The following FBXL17 variants were observed in gnomAD, a reference collection of about 807,000 sequenced individuals.
The protein encoded by FBXL17 is F-box/LRR-repeat protein 17.
In FBXL17, 22 loss-of-function variants were observed where a neutral mutation model predicts 66.2. The observed-to-expected ratio is 0.33, with a 90% CI of 0.24 to 0.47. FBXL17 has a LOEUF of 0.47. Among genes scored for constraint, FBXL17 ranks in the 20% least tolerant of loss-of-function variants. The probability of loss-of-function intolerance (pLI) is 1.00; values close to 1 mark genes in which losing one functional copy is unlikely to be tolerated. For missense variants in FBXL17, 878 were observed against 948.2 expected, an observed-to-expected ratio of 0.93 and a Z score of 0.97; for synonymous variants, 474 against 400.5, an observed-to-expected ratio of 1.18 and a Z score of -2.19.
At chr5:108,213,422 G>A (rs891198942) in intron 5 of FBXL17, among the ~76,000 whole-genome samples, 7 of 152,228 alleles carry the variant, frequency 4.6e-5, no homozygotes, top group Non-Finnish European at 1.0e-4. Flanking sequence ...GAGCCCTGGT[G>A]GCATAGGCAC....
intron 6 of FBXL17, among the ~76,000 whole-genome samples, chr5:108,080,984 T>C (rs1264651646): frequency 1.3e-5 from 2 of 152,192 alleles, no homozygotes; most frequent in Admixed American, 6.5e-5. Context: ...CTCTACAGAA[T>C]GCAGATTTTC....
intron 7 of FBXL17, among the ~76,000 whole-genome samples, chr5:107,887,398 G>T (rs1007898362): frequency 6.6e-6 from 1 of 152,096 alleles, no homozygotes; most frequent in African/African-American, 2.4e-5. Context: ...ATTAACAAGC[G>T]ACCTGCATGT....
intron 6 of FBXL17, among the ~76,000 whole-genome samples, chr5:108,141,908 C>G (rs568570294): frequency 6.6e-6 from 1 of 152,294 alleles, no homozygotes; most frequent in East Asian, 1.9e-4. Context: ...CTACTCCCAC[C>G]CCAAGTTGAG....
intron 6 of FBXL17, among the ~76,000 whole-genome samples, chr5:108,070,232 G>A (rs1275722416): frequency 2.0e-5 from 3 of 152,132 alleles, no homozygotes; most frequent in Non-Finnish European, 4.4e-5. Context: ...GTAATCTTAA[G>A]GCTCTGATCA....
intron 7 of FBXL17, among the ~76,000 whole-genome samples, chr5:107,993,661 G>C (rs969635580): frequency 2.6e-5 from 4 of 152,028 alleles, no homozygotes; most frequent in Non-Finnish European, 5.9e-5. Flanking sequence ...TTTTCCTACT[G>C]TTTTCCATTT....
intron 7 of FBXL17, among the ~76,000 whole-genome samples, chr5:107,982,585 C>T (rs565398733): frequency 6.6e-6 from 1 of 152,272 alleles, no homozygotes; most frequent in Admixed American, 6.5e-5. Flanking sequence ...CTTAGCTACA[C>T]TTCATTTATG....
chr5:108,222,297 C>T (rs972899637), intron 5 of FBXL17, among the ~76,000 whole-genome samples: 3 of 152,142 alleles, frequency 2.0e-5, no homozygotes, highest in African/African-American at 7.2e-5. Context: ...ATGGCCATCA[C>T]AACACTTGTT....
At chr5:108,320,892 T>A (rs1468954090) in intron 4 of FBXL17, among the ~76,000 whole-genome samples, 2 of 151,732 alleles carry the variant, frequency 1.3e-5, no homozygotes, top group African/African-American at 4.8e-5. Flanking sequence ...ATTGGAAAAA[T>A]CACGCAAATT....
chr5:108,162,475 G>C (rs1186036206), intron 6 of FBXL17, among the ~76,000 whole-genome samples: 1 of 152,108 alleles, frequency 6.6e-6, no homozygotes, highest in Non-Finnish European at 1.5e-5. Flanking sequence ...GGGTGACAGA[G>C]CAAGACTCTG....
intron 6 of FBXL17, among the ~76,000 whole-genome samples, chr5:108,110,573 CCA>C (rs1388848550): frequency 6.6e-6 from 1 of 152,088 alleles, no homozygotes; most frequent in Non-Finnish European, 1.5e-5. Flanking sequence ...ACCCTAGTTT[CCA>C]CAGAGGAGAA....
chr5:108,055,380 G>A (rs1580380416), intron 6 of FBXL17, among the ~76,000 whole-genome samples: 1 of 147,076 alleles, frequency 6.8e-6, no homozygotes, highest in Admixed American at 6.8e-5. Context: ...AGGCCGAGGC[G>A]GGCGGATCAC....
chr5:108,374,186 A>T (rs960880276), intron 1 of FBXL17, among the ~76,000 whole-genome samples: 7 of 152,230 alleles, frequency 4.6e-5, no homozygotes, highest in Non-Finnish European at 1.0e-4. Context: ...CACTTGAACA[A>T]GACTTAAACA....
At position 107,939,898 on chromosome 5, in the gene FBXL17, C is replaced by T. The variant is rs1403070484; in HGVS notation, c.1823-58719G>A. 2.6e-5 allele frequency among the ~76,000 whole-genome samples: 4 copies of T among 152,248 alleles called. No individual in the cohort carries two copies. The East Asian group carries it at 7.7e-4, about 29-fold the overall frequency. ...AATGCACACTTCATTGACTATATTT[C>T]ACCTGTTTCATGCTCTATTCCTGTC... On this transcript the variant is annotated intron_variant, in intron 7 of 8. Coordinates refer to ENST00000542267, the MANE Select transcript of FBXL17 (RefSeq NM_001163315.3).
At chr5:108,018,585 C>G (rs535150595) in intron 7 of FBXL17, among the ~76,000 whole-genome samples, 1 of 152,102 alleles carries the variant, frequency 6.6e-6, no homozygotes, top group Admixed American at 6.6e-5. Flanking sequence ...TGTGCGCCAA[C>G]ATTTTGGAGA....
At chr5:107,918,978 G>T (rs1156440297) in intron 7 of FBXL17, among the ~76,000 whole-genome samples, 1 of 152,134 alleles carries the variant, frequency 6.6e-6, no homozygotes, top group Non-Finnish European at 1.5e-5. Context: ...TGTGGGAGAG[G>T]CTGTGTGATG....
At chr5:108,194,817 C>T (rs1753616259) in intron 5 of FBXL17, among the ~76,000 whole-genome samples, 1 of 152,176 alleles carries the variant, frequency 6.6e-6, no homozygotes, top group Admixed American at 6.5e-5. Context: ...GGCCAGGCCC[C>T]ATACTTAGAG....
chr5:108,142,181 A>T (rs1204365731), intron 6 of FBXL17, among the ~76,000 whole-genome samples: 3 of 152,224 alleles, frequency 2.0e-5, no homozygotes, highest in African/African-American at 7.2e-5. Flanking sequence ...ATTTGTCTAC[A>T]CTTAAAATAT....
At chr5:107,863,889 C>T (rs1203529542) in intron 8 of FBXL17, among the ~76,000 whole-genome samples, 1 of 152,170 alleles carries the variant, frequency 6.6e-6, no homozygotes, top group Non-Finnish European at 1.5e-5. Flanking sequence ...CCCAGTGCAC[C>T]ATGGCAGGCA....
At chr5:107,998,198 A>C (rs1753558566) in intron 7 of FBXL17, among the ~76,000 whole-genome samples, 1 of 152,226 alleles carries the variant, frequency 6.6e-6, no homozygotes, top group Non-Finnish European at 1.5e-5. Context: ...TATTAAAATA[A>C]ATTTCACCAG....
Sources: gnomAD v4.1 joint callset for allele counts (sites outside exome capture counted in the v4.1 genomes callset) on GRCh38, gnomAD v4.1.1 for gene constraint, MANE v1.5 for transcripts, NCBI Gene and HGNC (gene_info 2026-07-23, HGNC 2026-07-21) for gene names.